Variants in NUB1 observed in about 807,000 individuals in gnomAD.
NUB1 encodes the protein NEDD8 ultimate buster 1.
A neutral mutation model predicts 77.1 loss-of-function variants in NUB1; 41 were observed. The ratio of observed to expected loss-of-function variants is 0.53; its 90% confidence interval spans 0.41 to 0.69. The LOEUF (loss-of-function observed/expected upper bound fraction) is 0.69. NUB1 is among the 30% of genes least tolerant of loss of function. The probability of loss-of-function intolerance (pLI) is 0.00; values close to 1 mark genes in which losing one functional copy is unlikely to be tolerated. For missense variants in NUB1, 643 were observed against 743.8 expected, an observed-to-expected ratio of 0.86 and a Z score of 1.58; for synonymous variants, 257 against 281.0, an observed-to-expected ratio of 0.91 and a Z score of 0.85.
intron 11 of NUB1, among the ~76,000 whole-genome samples, chr7:151,373,678 C>T (rs1031748687): frequency 5.3e-5 from 8 of 152,222 alleles, no homozygotes; most frequent in Non-Finnish European, 7.3e-5. Context: ...GGCGATTCAT[C>T]GAAGGCTGGA....
At chr7:151,360,304 C>G in intron 8 of NUB1, 57 bp downstream of exon 8, 1 of 880,204 alleles carries the variant, frequency 1.1e-6, no homozygotes, top group Non-Finnish European at 1.9e-6. Context: ...CCAGACTATA[C>G]AGAACACCCT....
At chr7:151,345,872 T>C (rs1315895379) in intron 2 of NUB1, among the ~76,000 whole-genome samples, 4 of 152,224 alleles carry the variant, frequency 2.6e-5, no homozygotes, top group Non-Finnish European at 5.9e-5. Flanking sequence ...CCCAGTTTTT[T>C]TGATGCTCTC....
intron 6 of NUB1, 39 bp downstream of exon 6, chr7:151,355,989 TG>T (rs771853626): frequency 1.2e-6 from 2 of 1,600,122 alleles, no homozygotes; most frequent in Non-Finnish European, 1.7e-6. Context: ...CTCAGCTGCT[TG>T]GGGGCAGCAC....
In NUB1 at chr7:151,345,388, G is replaced by A. The variant is rs908575564; in HGVS notation, c.39G>A (p.Gln13=). The A allele has an allele frequency of 1.9e-6, 3 of 1,612,692 alleles. No homozygotes were observed. The highest frequency in any genetic ancestry group is 1.1e-5 in the South Asian group (1 of 90,912). ...QKKYLQAKLT[Q]FLREDRIQLW... is the part of the protein sequence containing the mutation. ...AATATCTTCAAGCAAAATTGACCCA[G>A]TTTTTAAGGGAAGACAGGATTCAAC... Residue 13 remains glutamine, a synonymous_variant, in exon 2 of 15, where the codon CAG becomes CAA. Coordinates refer to ENST00000568733, the MANE Select transcript of NUB1 (RefSeq NM_001243351.2).
In NUB1 at chr7:151,367,142, C is replaced by T. The variant is rs751404399; in HGVS notation, c.987+17C>T. 6.3e-7 allele frequency: 1 copy of T among 1,595,118 alleles called. No homozygotes were observed. On this transcript the variant is annotated intron_variant, in intron 9 of 14. Transcript: ENST00000568733. ...CACATAAAAGTATGTTCCTGGAATT[C>T]ATCTTATGTCTCGTTGAGTCCATTT...
intron 1 of NUB1, among the ~76,000 whole-genome samples, chr7:151,342,193 G>T (rs1027752394): frequency 6.6e-6 from 1 of 152,230 alleles, no homozygotes; most frequent in Non-Finnish European, 1.5e-5. Context: ...AACACTCCGA[G>T]TATACCATTT....
chr7:151,356,048 A>G, intron 6 of NUB1, 80 bp from the exon 7 acceptor site: 3 of 1,547,156 alleles, frequency 1.9e-6, no homozygotes, highest in Non-Finnish European at 2.7e-6. Flanking sequence ...TCTCACCTCA[A>G]CAGTCTAACA....
chr7:151,347,348 G>A (rs1477334550), intron 2 of NUB1, among the ~76,000 whole-genome samples: 1 of 152,024 alleles, frequency 6.6e-6, no homozygotes, highest in African/African-American at 2.4e-5. Context: ...ACTGTAGTAT[G>A]CTATGGTCCC....
chr7:151,349,746 A>G (rs414168), intron 3 of NUB1, among the ~76,000 whole-genome samples: 114,984 of 152,192 alleles, frequency 0.76, 43,722 homozygotes, highest in East Asian at 0.98. Context: ...GGACTGATCG[A>G]TGCCAGCACT....
intron 3 of NUB1, 175 bp from the exon 4 acceptor site, chr7:151,351,249 C>T (rs1157759691): frequency 5.0e-6 from 3 of 602,916 alleles, no homozygotes; most frequent in Non-Finnish European, 8.8e-6. Flanking sequence ...ACGTGCAGGT[C>T]ACAGGGTCAG....
chr7:151,358,559 C>T (rs1307062394), intron 7 of NUB1, among the ~76,000 whole-genome samples: 1 of 152,162 alleles, frequency 6.6e-6, no homozygotes, highest in Non-Finnish European at 1.5e-5. Context: ...AGGCTGTGCA[C>T]TCCTGATGAG....
At chr7:151,371,858 C>G (rs1371527037) in intron 11 of NUB1, among the ~76,000 whole-genome samples, 2 of 152,120 alleles carry the variant, frequency 1.3e-5, no homozygotes, top group East Asian at 3.8e-4. Context: ...ATCCTCCTGC[C>G]AAGAGCTCTC....
chr7:151,357,449 C>T (rs1456014175), intron 7 of NUB1, among the ~76,000 whole-genome samples: 1 of 151,930 alleles, frequency 6.6e-6, no homozygotes, highest in Non-Finnish European at 1.5e-5. Context: ...TAGCAGCATT[C>T]TGGAACTTGG....
At position 151,344,560 on chromosome 7, in the gene NUB1, C is replaced by T. The variant is rs112728953; in HGVS notation, c.-2-788C>T. 8.6e-3 allele frequency among the ~76,000 whole-genome samples: 1,309 copies of T among 151,716 alleles called. 14 individuals carry two copies. The highest frequency in any genetic ancestry group is 0.011 in the Non-Finnish European group (749 of 67,918). The stretch of plus-strand genomic sequence containing the variant: ...TGGTCTCGAACTCCTGACCTCAGCT[C>T]CTGAACTCAGCCTCCCAAAGTGCTG... On this transcript the variant is annotated intron_variant, in intron 1 of 14. Transcript: ENST00000568733.
chr7:151,368,723 C>T lies in NUB1; in HGVS notation c.1096-12C>T, dbSNP rs768116050. On this transcript the variant is annotated splice_polypyrimidine_tract_variant and intron_variant, in intron 10 of 14. Coordinates refer to ENST00000568733, the MANE Select transcript of NUB1 (RefSeq NM_001243351.2). ...CCGTGGTTACATGATTCTTACATTTCCCTGTCTCTAGGCACGTCAGCTCTT... is the reference window on the plus strand; with the variant it reads ...CCGTGGTTACATGATTCTTACATTTTCCTGTCTCTAGGCACGTCAGCTCTT... The T allele has an allele frequency of 6.3e-7, 1 of 1,588,882 alleles. No individual in the cohort carries two copies. The highest frequency in any genetic ancestry group is 8.6e-7 in the Non-Finnish European group (1 of 1,167,206).
intron 7 of NUB1, among the ~76,000 whole-genome samples, chr7:151,358,723 A>G (rs572938533): frequency 7.2e-5 from 11 of 152,326 alleles, no homozygotes; most frequent in South Asian, 4.1e-4. Flanking sequence ...GCGAACATTT[A>G]AATTGAAAAA....
At chr7:151,343,883 T>C (rs1432724160) in intron 1 of NUB1, among the ~76,000 whole-genome samples, 1 of 152,010 alleles carries the variant, frequency 6.6e-6, no homozygotes, top group Non-Finnish European at 1.5e-5. Context: ...CCGATCAGTG[T>C]TAGATTTGAA....
chr7:151,376,643 A>G lies in NUB1; in HGVS notation c.1501A>G (p.Met501Val), dbSNP rs749954813. ...CTGCGCTCTCCCCTAGTTGGTGTAC[A>G]TGGGTTTTGATGCACTCGTGGCCGA... Reference protein sequence around the residue: ...SQENIDRLVYMGFDALVAEAA... With the variant: ...SQENIDRLVYVGFDALVAEAA... The change falls in exon 14 of 15, where the codon ATG becomes GTG. Residue 501 changes from methionine (M) to valine (V), a missense_variant. Physicochemically the swap from Met to Val is conservative, Grantham distance 21. Transcript: ENST00000568733. 32 of 1,610,514 alleles carry G rather than the reference A, an allele frequency of 2.0e-5. No individual in the cohort carries two copies. The highest frequency in any genetic ancestry group is 4.5e-5 in the East Asian group (2 of 44,786).
At chr7:151,352,086 A>G (rs1248327899) in intron 4 of NUB1, 2 of 456,556 alleles carry the variant, frequency 4.4e-6, no homozygotes, top group African/African-American at 2.0e-5. Context: ...TCTTTGGTCT[A>G]CATCAGGGCT....
Sources: allele counts gnomAD v4.1 joint callset (sites outside exome capture counted in the v4.1 genomes callset), GRCh38; gene constraint gnomAD v4.1.1; transcripts MANE v1.5; gene names NCBI Gene and HGNC (gene_info 2026-07-23, HGNC 2026-07-21).